Variants in MCC observed in about 807,000 individuals in gnomAD.
The protein encoded by MCC is colorectal mutant cancer protein.
A neutral mutation model predicts 116.2 loss-of-function variants in MCC; 90 were observed. That is an observed-to-expected ratio of 0.77 (90% CI 0.65 to 0.92). MCC has a LOEUF of 0.92. Ranked by LOEUF, MCC falls within the 40% of genes least tolerant of loss-of-function variation. MCC has a pLI of 0.00. For synonymous variants in MCC, 578 were observed against 510.5 expected, an observed-to-expected ratio of 1.13 and a Z score of -1.78; for missense variants, 1,516 against 1,312.2, an observed-to-expected ratio of 1.16 and a Z score of -2.40.
chr5:113,380,101 C>G (rs1769081146), intron 2 of MCC, among the ~76,000 whole-genome samples: 1 of 152,224 alleles, frequency 6.6e-6, no homozygotes, highest in Non-Finnish European at 1.5e-5. Flanking sequence ...AATGTTTTGA[C>G]TAGTCTTTTT....
At chr5:113,337,013 T>C (rs1292958882) in intron 3 of MCC, among the ~76,000 whole-genome samples, 1 of 152,208 alleles carries the variant, frequency 6.6e-6, no homozygotes, top group African/African-American at 2.4e-5. Context: ...CTTTGTCCTG[T>C]TTTGTGGTCT....
chr5:113,269,244 T>C, intron 3 of MCC: 1 of 984,948 alleles, frequency 1.0e-6, no homozygotes, highest in Non-Finnish European at 1.2e-6. Context: ...AGGTGGGGAC[T>C]GGGCCTTTTG....
chr5:113,055,263 CA>C (rs1752758813), intron 14 of MCC, among the ~76,000 whole-genome samples: 1 of 152,114 alleles, frequency 6.6e-6, no homozygotes, highest in African/African-American at 2.4e-5. Context: ...GAAGCTATAC[CA>C]GGGGCCACGA....
chr5:113,153,166 C>T (rs1031408366), intron 3 of MCC, among the ~76,000 whole-genome samples: 1 of 152,130 alleles, frequency 6.6e-6, no homozygotes, highest in Non-Finnish European at 1.5e-5. Context: ...TCACCTCCGG[C>T]GAAAAGGATA....
intron 2 of MCC, among the ~76,000 whole-genome samples, chr5:113,373,567 A>G (rs564821558): frequency 2.6e-4 from 40 of 152,146 alleles, no homozygotes; most frequent in Non-Finnish European, 4.6e-4. Context: ...GGGTGGGGGA[A>G]GGTTTACAGT....
chr5:113,406,342 A>C (rs1769833408), intron 1 of MCC, among the ~76,000 whole-genome samples: 1 of 152,230 alleles, frequency 6.6e-6, no homozygotes, highest in Non-Finnish European at 1.5e-5. Flanking sequence ...CTCTGATTTT[A>C]ATAAAAAATT....
intron 3 of MCC, among the ~76,000 whole-genome samples, chr5:113,243,194 T>C (rs1354889588): frequency 1.3e-5 from 2 of 152,322 alleles, no homozygotes; most frequent in Middle Eastern, 3.4e-3. Flanking sequence ...TGGTTTTTAA[T>C]GGAATGGTAT....
chr5:113,062,700 C>G (rs577575118), intron 14 of MCC, among the ~76,000 whole-genome samples: 1 of 152,338 alleles, frequency 6.6e-6, no homozygotes, highest in South Asian at 2.1e-4. Context: ...CTGTGCTTCA[C>G]TGAATGAGAC....
chr5:113,039,607 T>C (rs188396240), intron 17 of MCC, among the ~76,000 whole-genome samples: 14 of 152,090 alleles, frequency 9.2e-5, no homozygotes, highest in Admixed American at 8.5e-4. Flanking sequence ...CCAGCACATG[T>C]GGGGCACAAG....
chr5:113,036,840 G>C (rs1370552133), intron 17 of MCC, among the ~76,000 whole-genome samples: 1 of 152,186 alleles, frequency 6.6e-6, no homozygotes, highest in Non-Finnish European at 1.5e-5. Flanking sequence ...TCCCTTGAGT[G>C]AGCCTCAGTC....
In MCC at chr5:113,059,180, G is replaced by C. The variant is rs1338414806; in HGVS notation, c.2213+4804C>G. Reference sequence around the variant, plus strand: ...AAATAACAAAAGATCTCAGTCCACAGATCTTACCCTGTTGGAAGCACAGAG... The same window carrying C: ...AAATAACAAAAGATCTCAGTCCACACATCTTACCCTGTTGGAAGCACAGAG... On this transcript the variant is annotated intron_variant, in intron 14 of 18. Transcript: ENST00000408903. Among the ~76,000 whole-genome samples, 3 of 151,888 alleles carry C rather than the reference G, an allele frequency of 2.0e-5. No homozygotes were observed. The South Asian group carries it at 6.2e-4, about 32-fold the overall frequency.
At chr5:113,067,942 T>C (rs540712148) in intron 13 of MCC, 138 bp downstream of exon 13, 3 of 687,128 alleles carry the variant, frequency 4.4e-6, no homozygotes, top group East Asian at 2.6e-5. Flanking sequence ...CATTCAGTCA[T>C]GAGGAAAAAC....
intron 3 of MCC, among the ~76,000 whole-genome samples, chr5:113,245,946 A>G (rs763747807): frequency 2.2e-4 from 34 of 152,236 alleles, no homozygotes; most frequent in Non-Finnish European, 4.7e-4. Context: ...CACTGAGGCC[A>G]AGGAGAACAG....
intron 3 of MCC, among the ~76,000 whole-genome samples, chr5:113,305,224 C>T (rs762425681): frequency 5.9e-5 from 9 of 152,150 alleles, no homozygotes; most frequent in Non-Finnish European, 1.3e-4. Flanking sequence ...GAATGGGCTC[C>T]TGCCTACTTT....
At chr5:113,167,082 G>A (rs1283730892) in intron 3 of MCC, among the ~76,000 whole-genome samples, 1 of 152,142 alleles carries the variant, frequency 6.6e-6, no homozygotes, top group Non-Finnish European at 1.5e-5. Flanking sequence ...CTGGGAGTTT[G>A]GTCGGCAGCC....
In MCC at chr5:113,471,154, G is replaced by A. The variant is rs575493358; in HGVS notation, c.170+17091C>T. On this transcript the variant is annotated intron_variant, in intron 1 of 18. Coordinates refer to ENST00000408903, the MANE Select transcript of MCC (RefSeq NM_001085377.2). ...CCTCCTGTAACTCAGTCATTTGATC[G>A]TCTGAAGCCTTCTCTCAACTCGTCA... Among the ~76,000 whole-genome samples, 272 of 151,662 alleles carry A rather than the reference G, an allele frequency of 1.8e-3. 3 individuals carry two copies. Among genetic ancestry groups the A allele is most frequent in the African/African-American group, 5.9e-3 (244 of 41,286 alleles).
intron 13 of MCC, among the ~76,000 whole-genome samples, chr5:113,065,716 G>T (rs1260704626): frequency 6.6e-6 from 1 of 152,186 alleles, no homozygotes; most frequent in Non-Finnish European, 1.5e-5. Context: ...ACAAAGAAAA[G>T]ACCCACAATC....
chr5:113,101,440 G>T (rs971216751), intron 8 of MCC: 1 of 322,180 alleles, frequency 3.1e-6, no homozygotes, highest in Non-Finnish European at 5.7e-6. Context: ...CATTTTAATT[G>T]AGCTTAGAAA....
At chr5:113,203,335 G>A (rs934281513) in intron 3 of MCC, 9 of 152,276 alleles carry the variant, frequency 5.9e-5, no homozygotes, top group African/African-American at 2.2e-4. Context: ...CGCCTGTTCA[G>A]TAGCCTTTTA....
Sources: gnomAD v4.1 joint callset for allele counts (sites outside exome capture counted in the v4.1 genomes callset) on GRCh38, gnomAD v4.1.1 for gene constraint, MANE v1.5 for transcripts, NCBI Gene and HGNC (gene_info 2026-07-23, HGNC 2026-07-21) for gene names.